The following RPS6 variants were observed in gnomAD, a reference collection of about 807,000 sequenced individuals.
The protein encoded by RPS6 is ribosomal protein S6, also known as small ribosomal subunit protein eS6.
In RPS6, 1 loss-of-function variant was observed where a neutral mutation model predicts 27.1. The observed-to-expected ratio is 0.04, with a 90% CI of 0.01 to 0.18. The LOEUF (loss-of-function observed/expected upper bound fraction) is 0.18, where lower values mean the gene tolerates loss of function less well. Among genes scored for constraint, RPS6 ranks in the 10% least tolerant of loss-of-function variants. RPS6 has a pLI of 1.00. For synonymous variants in RPS6, 152 were observed against 106.0 expected, an observed-to-expected ratio of 1.43 and a Z score of -2.66; for missense variants, 259 against 319.1, an observed-to-expected ratio of 0.81 and a Z score of 1.44.
chr9:19,376,720 T>G, intron 4 of RPS6, 69 bp from the exon 5 acceptor site: 1 of 1,477,406 alleles, frequency 6.8e-7, no homozygotes, highest in Non-Finnish European at 9.2e-7. Flanking sequence ...TTTAAAAACA[T>G]CAGAAATAAA....
intron 4 of RPS6, among the ~76,000 whole-genome samples, chr9:19,377,392 C>CTTTTTTT (rs77882767): frequency 7.6e-6 from 1 of 132,438 alleles, no homozygotes; most frequent in African/African-American, 2.8e-5. Context: ...TTGTCAATTG[C>CTTTTTTT]TTTTTTTTTT....
At chr9:19,380,149 C>T (rs1829654955) in intron 1 of RPS6, 41 bp downstream of exon 1, 2 of 1,613,724 alleles carry the variant, frequency 1.2e-6, no homozygotes, top group Non-Finnish European at 1.7e-6. Flanking sequence ...ACTCGATTCA[C>T]GTTCCCCAAA....
chr9:19,379,358 G>A, intron 2 of RPS6, 129 bp downstream of exon 2: 3 of 1,549,122 alleles, frequency 1.9e-6, no homozygotes, highest in South Asian at 2.4e-5. Context: ...TTTATAAAGT[G>A]GCATTCGGAA....
intron 2 of RPS6, 98 bp from the exon 3 acceptor site, chr9:19,379,016 T>A: frequency 8.3e-7 from 1 of 1,198,072 alleles, no homozygotes; most frequent in East Asian, 2.6e-5. Flanking sequence ...TATGAGAAAG[T>A]ATAATTATGA....
chr9:19,378,158 G>A (rs1397251395), intron 4 of RPS6, among the ~76,000 whole-genome samples: 1 of 152,142 alleles, frequency 6.6e-6, no homozygotes, highest in Non-Finnish European at 1.5e-5. Context: ...GATTTTCAAC[G>A]AAATTACTGC....
chr9:19,380,223 G>T lies in RPS6; in HGVS notation c.-28C>A. 2 of 1,612,810 alleles carry T rather than the reference G, an allele frequency of 1.2e-6. No individual in the cohort carries two copies. Among genetic ancestry groups the T allele is most frequent in the South Asian group, 2.2e-5 (2 of 91,066 alleles). On this transcript the variant is annotated 5_prime_UTR_variant, in exon 1 of 6. Transcript: ENST00000380394. ...TGAAGCAGCTGAACGCCTCCGAGGC[G>T]CCACGGAAAAGAGGGCCAACTTCCG... is the stretch of plus-strand genomic sequence containing the variant.
chr9:19,376,005 C>T lies in RPS6; in HGVS notation c.*288G>A, dbSNP rs1485314572. On this transcript the variant is annotated 3_prime_UTR_variant, in exon 6 of 6. Transcript: ENST00000380394. ...AAACTATATAAAAAAGATTAATAGT[C>T]CTCATCATTTCCCCTAAGTTCCATG... The T allele has an allele frequency of 1.1e-5, 3 of 271,664 alleles. No homozygotes were observed. The highest frequency in any genetic ancestry group is 1.2e-3 in the Middle Eastern group (1 of 822). 16.8% of individuals were successfully genotyped at this position (271,664 alleles called of 1,614,324 possible).
At chr9:19,379,829 C>T in intron 1 of RPS6, 1 of 1,426,068 alleles carries the variant, frequency 7.0e-7, no homozygotes. Context: ...TCCCCTCAAG[C>T]CCCGCGGAAT....
chr9:19,379,121 G>C (rs1473792992), intron 2 of RPS6: 2 of 762,778 alleles, frequency 2.6e-6, no homozygotes, highest in African/African-American at 3.5e-5. Context: ...CTTTCAAGTC[G>C]CATTTCTAAC....
At chr9:19,379,943 G>A in intron 1 of RPS6, 1 of 1,433,252 alleles carries the variant, frequency 7.0e-7, no homozygotes, top group South Asian at 1.5e-5. Flanking sequence ...GCAACACGCC[G>A]CATCCGTCCC....
Position 19,380,214 on chromosome 9 carries a change from C to G in RPS6, c.-19G>C. On this transcript the variant is annotated 5_prime_UTR_variant, in exon 1 of 6. Coordinates refer to ENST00000380394, the MANE Select transcript of RPS6 (RefSeq NM_001010.3). ...CCTTCATCTTGAAGCAGCTGAACGCCTCCGAGGCGCCACGGAAAAGAGGGC... is the reference window on the plus strand; with the variant it reads ...CCTTCATCTTGAAGCAGCTGAACGCGTCCGAGGCGCCACGGAAAAGAGGGC... 6.2e-7 allele frequency: 1 copy of G among 1,613,438 alleles called. No individual in the cohort carries two copies. The highest frequency in any genetic ancestry group is 8.5e-7 in the Non-Finnish European group (1 of 1,179,354).
rs754992551 is a variant in RPS6, at chr9:19,378,800, G to T, written c.257C>A (p.Pro86Gln). 1.2e-6 allele frequency: 2 copies of T among 1,614,050 alleles called. No individual in the cohort carries two copies. The highest frequency in any genetic ancestry group is 1.7e-6 in the Non-Finnish European group (2 of 1,180,004). The change falls in exon 3 of 6, where the codon CCA (proline) becomes CAA (glutamine). Residue 86 changes from proline to glutamine, a missense_variant. Around this residue, in one of 3 missense-constraint regions of RPS6, gnomAD observed 191 missense variants for 231.6 expected, o/e 0.82. Coordinates refer to ENST00000380394, the MANE Select transcript of RPS6 (RefSeq NM_001010.3). ...TCTCTTTCTTTCTCCAGTTCTCCTT[G>T]GTCTGTAACAGGAATGCCCCTTACT... is the stretch of plus-strand genomic sequence containing the variant. ...LLSKGHSCYR[P>Q]RRTGERKRKS...
rs984848254 is a variant in RPS6, at chr9:19,379,988, G to C, written c.6+202C>G. 60 of 1,455,466 alleles carry C rather than the reference G, an allele frequency of 4.1e-5. No individual in the cohort carries two copies. The Middle Eastern group carries it at 1.6e-3, about 39-fold the overall frequency. The allele number at this position is 1,455,466 out of a possible 1,614,324, so 90.2% of individuals were successfully genotyped here. A position where few individuals can be genotyped will look rare whatever the true frequency, so the allele number is the denominator to read the frequency against. On this transcript the variant is annotated intron_variant, in intron 1 of 5. Transcript: ENST00000380394. ...CGGGGACGCCACCATGGCGCTCCCGGCCCGCCGCGGCTCCAGCCGCAATCG... is the reference window on the plus strand; with the variant it reads ...CGGGGACGCCACCATGGCGCTCCCGCCCCGCCGCGGCTCCAGCCGCAATCG...
In RPS6 at chr9:19,376,405, A is replaced by G; in HGVS notation, c.655-17T>C. The G allele has an allele frequency of 1.2e-6, 2 of 1,613,772 alleles. No homozygotes were observed. On this transcript the variant is annotated splice_polypyrimidine_tract_variant and intron_variant, in intron 5 of 5. Transcript: ENST00000380394. ...CTTAGCCTCCTAAACAAAACAAAAC[A>G]GCAAACAGTTAAGGCCTTTCTGGGT...
rs781008957 is a variant in RPS6 at position 19,376,258 on chromosome 9, G to A, written c.*35C>T. 35 of 1,535,706 alleles carry A rather than the reference G, an allele frequency of 2.3e-5. No homozygotes were observed. In the Admixed American group the frequency reaches 5.9e-4, roughly 26 times the overall value. ...AGCAATGAAAAGTCAACAGAGATCAGAGTCTGATCTTATTTATTTGTTACT... is the reference window on the plus strand; with the variant it reads ...AGCAATGAAAAGTCAACAGAGATCAAAGTCTGATCTTATTTATTTGTTACT... On this transcript the variant is annotated 3_prime_UTR_variant, in exon 6 of 6. Transcript: ENST00000380394.
chr9:19,379,009 G>A (rs1344924309), intron 2 of RPS6, 91 bp from the exon 3 acceptor site: 2 of 1,230,938 alleles, frequency 1.6e-6, no homozygotes, highest in African/African-American at 1.5e-5. Context: ...ACACCTATAT[G>A]AGAAAGTATA....
chr9:19,377,155 G>T (rs1354962743), intron 4 of RPS6, among the ~76,000 whole-genome samples: 3 of 152,154 alleles, frequency 2.0e-5, no homozygotes, highest in African/African-American at 7.2e-5. Flanking sequence ...ACTGCTCATG[G>T]ATTACAGATC....
rs764338890 is a variant in RPS6, at chr9:19,375,995, GATT to G, written c.*295_*297del. On this transcript the variant is annotated 3_prime_UTR_variant, in exon 6 of 6. Transcript: ENST00000380394. ...CCTCAAAAATAAACTATATAAAAAAGATTAATAGTCCTCATCATTTCCCCTAAG... is the reference window on the plus strand; with the variant it reads ...CCTCAAAAATAAACTATATAAAAAAGAATAGTCCTCATCATTTCCCCTAAG... 1.7e-5 allele frequency: 4 copies of G among 238,618 alleles called. No individual in the cohort carries two copies. Among genetic ancestry groups the G allele is most frequent in the Non-Finnish European group, 3.3e-5 (4 of 122,016 alleles). The allele number at this position is 238,618 out of a possible 1,614,324, so 14.8% of individuals were successfully genotyped here. A position where few individuals can be genotyped will look rare whatever the true frequency, so the allele number is the denominator to read the frequency against.
In RPS6 at chr9:19,376,336, G is replaced by A. The variant is rs1233214248; in HGVS notation, c.707C>T (p.Ser236Phe). The A allele has an allele frequency of 3.7e-6, 6 of 1,614,138 alleles. No homozygotes were observed. Among genetic ancestry groups the A allele is most frequent in the South Asian group, 1.1e-5 (1 of 91,076 alleles). The change falls in exon 6 of 6, where the codon TCT becomes TTT. Residue 236 changes from serine (S) to phenylalanine (F), a missense_variant. By Grantham distance (155) the Ser-to-Phe change is radical (BLOSUM62 -2). Coordinates refer to ENST00000380394, the MANE Select transcript of RPS6 (RefSeq NM_001010.3). ...AGACTTAGAAGTAGAAGCTCGCAGA[G>A]AGGAAAGTCTGCGTCTCTTCGCAAT... Reference protein sequence around the residue: ...EQIAKRRRLSSLRASTSKSES... With the variant: ...EQIAKRRRLSFLRASTSKSES...
Sources: gnomAD v4.1 joint callset for allele counts (sites outside exome capture counted in the v4.1 genomes callset) on GRCh38, gnomAD v4.1.1 for gene constraint, gnomAD v4.1.1 regional missense constraint, MANE v1.5 for transcripts, NCBI Gene and HGNC (gene_info 2026-07-23, HGNC 2026-07-21) for gene names.